Variants in BRINP3 observed in about 807,000 individuals in gnomAD.
BRINP3 encodes BMP/retinoic acid-inducible neural-specific protein 3.
Under a neutral mutation model 71.0 loss-of-function variants are expected in BRINP3, and 19 were observed. The observed-to-expected ratio is 0.27, with a 90% CI of 0.19 to 0.39. BRINP3 has a LOEUF of 0.39. Among genes scored for constraint, BRINP3 ranks in the 10% least tolerant of loss-of-function variants. The pLI is 1.00. For missense variants in BRINP3, 959 were observed against 940.8 expected (o/e 1.02, Z -0.25); for synonymous variants, 380 against 337.7 (o/e 1.13, Z -1.37).
At chr1:190,220,650 GCAACT>G (rs1656802267) in intron 6 of BRINP3, among the ~76,000 whole-genome samples, 1 of 151,964 alleles carries the variant, frequency 6.6e-6, no homozygotes, top group African/African-American at 2.4e-5. Flanking sequence ...AAAAAAAATT[GCAACT>G]CAAAAATATT....
intron 2 of BRINP3, among the ~76,000 whole-genome samples, chr1:190,366,695 A>T (rs1669526612): frequency 6.6e-6 from 1 of 152,340 alleles, no homozygotes; most frequent in South Asian, 2.1e-4. Context: ...CTTCCTAGAT[A>T]CAATGGGGGG....
intron 2 of BRINP3, among the ~76,000 whole-genome samples, chr1:190,454,131 C>A (rs1026296498): frequency 2.0e-5 from 3 of 152,100 alleles, no homozygotes; most frequent in East Asian, 3.8e-4. Flanking sequence ...CCATCCATTT[C>A]TTTGATCTTT....
intron 2 of BRINP3, among the ~76,000 whole-genome samples, chr1:190,368,317 C>T (rs1358410655): frequency 6.6e-6 from 1 of 152,024 alleles, no homozygotes; most frequent in Non-Finnish European, 1.5e-5. Flanking sequence ...AAACGACTCA[C>T]TATCACAGGA....
intron 2 of BRINP3, among the ~76,000 whole-genome samples, chr1:190,366,324 A>G: frequency 6.6e-6 from 1 of 152,116 alleles, no homozygotes; most frequent in East Asian, 1.9e-4. Flanking sequence ...AAGGGGGAAA[A>G]GCCCCTTAGA....
chr1:190,378,795 C>T (rs1379305170), intron 2 of BRINP3, among the ~76,000 whole-genome samples: 1 of 152,114 alleles, frequency 6.6e-6, no homozygotes, highest in Non-Finnish European at 1.5e-5. Context: ...TGCTAGCAGT[C>T]CCATTATAAG....
Position 190,226,223 on chromosome 1 carries a change from T to A in BRINP3, c.820A>T (p.Lys274Ter), listed in dbSNP as rs769562857. Residue 274 changes from lysine to a stop codon, truncating the protein, a stop_gained, in exon 6 of 8, where the codon AAG (lysine) becomes TAG (stop). Coordinates refer to ENST00000367462, the MANE Select transcript of BRINP3 (RefSeq NM_199051.3). LOFTEE classifies it high-confidence loss of function. ...CAGTGACACCAGCAGTCATTTTCCTTGCAGATAAACTCTCCCTCTGAATTG... is the reference window on the plus strand; with the variant it reads ...CAGTGACACCAGCAGTCATTTTCCTAGCAGATAAACTCTCCCTCTGAATTG... ...ACNSEGEFICKENDCWCHCGP... is the reference protein window; with the variant it reads ...ACNSEGEFIC The A allele has an allele frequency of 6.2e-7, 1 of 1,612,692 alleles. No individual in the cohort carries two copies. The highest frequency in any genetic ancestry group is 1.7e-5 in the Admixed American group (1 of 59,822).
intron 2 of BRINP3, among the ~76,000 whole-genome samples, chr1:190,287,960 A>G (rs815160): frequency 0.57 from 86,484 of 151,886 alleles, 24,879 homozygotes; most frequent in Admixed American, 0.69. Context: ...ATACAACACA[A>G]ATGCAGGTAT....
chr1:190,310,685 T>C (rs957230922), intron 2 of BRINP3, among the ~76,000 whole-genome samples: 8 of 151,626 alleles, frequency 5.3e-5, no homozygotes, highest in Non-Finnish European at 8.9e-5. Context: ...CTCCCTCCCT[T>C]TCTCCAGTTT....
chr1:190,267,718 A>G (rs191750059), intron 3 of BRINP3, among the ~76,000 whole-genome samples: 212 of 152,188 alleles, frequency 1.4e-3, no homozygotes, highest in African/African-American at 4.8e-3. Context: ...AATTGACAGA[A>G]TAAATATATA....
chr1:190,340,313 T>C (rs1481690450), intron 2 of BRINP3, among the ~76,000 whole-genome samples: 1 of 151,948 alleles, frequency 6.6e-6, no homozygotes, highest in East Asian at 1.9e-4. Context: ...GGGTGAGGCT[T>C]AAAAGTCTTT....
chr1:190,316,184 G>C (rs945600604), intron 2 of BRINP3, among the ~76,000 whole-genome samples: 2 of 152,066 alleles, frequency 1.3e-5, no homozygotes, highest in African/African-American at 4.8e-5. Context: ...ACAAAAAAAG[G>C]TTGACTTTAT....
chr1:190,146,470 TATAA>T (rs1384732606), intron 7 of BRINP3, among the ~76,000 whole-genome samples: 2 of 152,182 alleles, frequency 1.3e-5, no homozygotes, highest in African/African-American at 2.4e-5. Context: ...TGTATAGTTA[TATAA>T]ATATTCACTA....
rs12038957 is a variant in BRINP3 at position 190,102,634 on chromosome 1, G to C, written c.1185-3500C>G. The stretch of plus-strand genomic sequence containing the variant: ...AAAAGGAAGGGAGAAAGAAGACAGA[G>C]AGAAACTAAGGAAAGGGAGGGGATA... On this transcript the variant is annotated intron_variant, in intron 7 of 7. Coordinates refer to ENST00000367462, the MANE Select transcript of BRINP3 (RefSeq NM_199051.3). 8.5e-4 allele frequency among the ~76,000 whole-genome samples: 130 copies of C among 152,056 alleles called. 5 individuals are homozygous for C. The East Asian group carries it at 0.019, about 22-fold the overall frequency.
chr1:190,449,050 G>A (rs535055996), intron 2 of BRINP3, among the ~76,000 whole-genome samples: 14 of 151,724 alleles, frequency 9.2e-5, no homozygotes, highest in African/African-American at 2.7e-4. Flanking sequence ...TTATATCATC[G>A]GAGTTTATAA....
intron 4 of BRINP3, among the ~76,000 whole-genome samples, chr1:190,250,790 T>C (rs543486455): frequency 6.6e-6 from 1 of 152,128 alleles, no homozygotes; most frequent in African/African-American, 2.4e-5. Context: ...ACAAACCTCT[T>C]TTCCAACCAC....
intron 1 of BRINP3, among the ~76,000 whole-genome samples, chr1:190,468,431 T>G (rs1197419272): frequency 6.6e-6 from 1 of 151,320 alleles, no homozygotes; most frequent in Non-Finnish European, 1.5e-5. Context: ...TGGCCTATCT[T>G]ACAATTGTAA....
At chr1:190,215,217 A>G (rs181903106) in intron 6 of BRINP3, among the ~76,000 whole-genome samples, 20 of 151,952 alleles carry the variant, frequency 1.3e-4, no homozygotes, top group Admixed American at 4.6e-4. Context: ...ACATGGAAAC[A>G]GATTATTGTG....
intron 6 of BRINP3, among the ~76,000 whole-genome samples, chr1:190,189,953 G>A (rs889010354): frequency 2.0e-5 from 3 of 152,122 alleles, no homozygotes; most frequent in African/African-American, 4.8e-5. Flanking sequence ...ATCGCAGTCA[G>A]TGTGGCACTG....
At chr1:190,262,633 T>C (rs561846914) in intron 4 of BRINP3, among the ~76,000 whole-genome samples, 1 of 152,258 alleles carries the variant, frequency 6.6e-6, no homozygotes, top group East Asian at 1.9e-4. Context: ...GGAACTCCTT[T>C]CCATGGTTAA....
Sources: gnomAD v4.1 joint callset for allele counts (sites outside exome capture counted in the v4.1 genomes callset) on GRCh38, gnomAD v4.1.1 for gene constraint, MANE v1.5 for transcripts, NCBI Gene and HGNC (gene_info 2026-07-23, HGNC 2026-07-21) for gene names.